KAZN: variants seen among roughly 807,000 people sequenced by gnomAD.
The protein encoded by KAZN is kazrin.
KAZN carries 40 observed loss-of-function variants against 87.4 expected under a neutral mutation model. That is an observed-to-expected ratio of 0.46 (90% CI 0.36 to 0.60). KAZN has a LOEUF of 0.60. KAZN is among the 20% of genes least tolerant of loss of function. The pLI, the probability that KAZN is intolerant of heterozygous loss-of-function variation, is 0.00. For missense variants in KAZN, 898 were observed against 1,073.9 expected (o/e 0.84, Z 2.29); for synonymous variants, 466 against 458.3 (o/e 1.02, Z -0.22).
chr1:14,708,340 T>G (rs1362394094), intron 1 of KAZN, among the ~76,000 whole-genome samples: 4 of 152,226 alleles, frequency 2.6e-5, no homozygotes, highest in African/African-American at 7.2e-5. Flanking sequence ...AGTGATATTT[T>G]GCACTGCTGA....
chr1:15,103,519 C>A, intron 12 of KAZN, 59 bp downstream of exon 12: 4 of 1,105,656 alleles, frequency 3.6e-6, no homozygotes, highest in South Asian at 1.3e-5. Flanking sequence ...CCATGCAAAT[C>A]TATATGCAAA....
intron 1 of KAZN, among the ~76,000 whole-genome samples, chr1:13,936,597 G>A (rs527648912): frequency 3.9e-5 from 6 of 152,168 alleles, no homozygotes; most frequent in African/African-American, 1.4e-4. Flanking sequence ...CCATTGTTTA[G>A]CTCTACTTAA....
At chr1:15,018,890 T>A (rs1216838370) in intron 2 of KAZN, among the ~76,000 whole-genome samples, 2 of 152,198 alleles carry the variant, frequency 1.3e-5, no homozygotes, top group Non-Finnish European at 2.9e-5. Flanking sequence ...CTAAAGCTCA[T>A]CTTCAGATAT....
intron 1 of KAZN, among the ~76,000 whole-genome samples, chr1:14,660,618 A>C (rs917993313): frequency 1.6e-5 from 2 of 128,422 alleles, no homozygotes; most frequent in Admixed American, 1.9e-4. Context: ...ATTCAAACCC[A>C]GGTCTGCCGA....
At chr1:14,658,047 G>C (rs577850967) in intron 1 of KAZN, among the ~76,000 whole-genome samples, 25 of 152,330 alleles carry the variant, frequency 1.6e-4, no homozygotes, top group African/African-American at 6.0e-4. Flanking sequence ...CCCTGGAAAA[G>C]TCAGTGTCCT....
intron 2 of KAZN, among the ~76,000 whole-genome samples, chr1:14,566,387 G>A (rs1674550942): frequency 6.6e-6 from 1 of 152,124 alleles, no homozygotes; most frequent in Admixed American, 6.5e-5. Context: ...TCAGGCTTTG[G>A]TGTTCCATTT....
intron 2 of KAZN, among the ~76,000 whole-genome samples, chr1:14,189,382 C>T (rs1398909276): frequency 6.6e-6 from 1 of 152,180 alleles, no homozygotes; most frequent in Non-Finnish European, 1.5e-5. Flanking sequence ...TACTGAGAAT[C>T]ATGGCATAGA....
intron 2 of KAZN, among the ~76,000 whole-genome samples, chr1:14,335,835 A>G (rs1657226385): frequency 6.6e-6 from 1 of 152,206 alleles, no homozygotes; most frequent in South Asian, 2.1e-4. Context: ...AAACAGATGG[A>G]CAGGGAAGCT....
intron 1 of KAZN, among the ~76,000 whole-genome samples, chr1:14,727,463 T>C (rs1399985425): frequency 1.1e-4 from 3 of 26,168 alleles, no homozygotes; most frequent in Non-Finnish European, 2.5e-4. Flanking sequence ...TTTTTTTTTT[T>C]TTTTTTTTTT....
intron 2 of KAZN, among the ~76,000 whole-genome samples, chr1:14,375,228 T>C (rs1461498497): frequency 2.0e-5 from 3 of 152,178 alleles, no homozygotes; most frequent in Non-Finnish European, 4.4e-5. Context: ...TCATACACAC[T>C]TCAGAAAGAG....
chr1:14,457,418 G>A (rs2148342694), intron 2 of KAZN, among the ~76,000 whole-genome samples: 1 of 152,128 alleles, frequency 6.6e-6, no homozygotes, highest in African/African-American at 2.4e-5. Context: ...TATTCTATAT[G>A]TACAATTCAA....
intron 1 of KAZN, among the ~76,000 whole-genome samples, chr1:14,054,623 TA>T (rs1010114850): frequency 3.3e-5 from 5 of 152,100 alleles, no homozygotes; most frequent in African/African-American, 4.8e-5. Flanking sequence ...AGAGATGACA[TA>T]AGGACCTGGA....
intron 2 of KAZN, among the ~76,000 whole-genome samples, chr1:14,358,763 A>G (rs927327745): frequency 8.5e-5 from 13 of 152,066 alleles, no homozygotes; most frequent in African/African-American, 3.1e-4. Context: ...CTGAGTTCTA[A>G]TTTGATAGCA....
At chr1:14,468,324 A>G (rs1320857007) in intron 2 of KAZN, among the ~76,000 whole-genome samples, 4 of 152,128 alleles carry the variant, frequency 2.6e-5, no homozygotes, top group African/African-American at 2.4e-5. Flanking sequence ...GGAAAATGGA[A>G]CCTCACATCA....
chr1:14,454,704 A>C (rs777835453), intron 2 of KAZN, among the ~76,000 whole-genome samples: 21 of 152,182 alleles, frequency 1.4e-4, no homozygotes, highest in Non-Finnish European at 4.4e-5. Context: ...GTACTCATGA[A>C]TGTTCACTAA....
chr1:14,935,295 C>T (rs941274045), intron 1 of KAZN, among the ~76,000 whole-genome samples: 2 of 152,110 alleles, frequency 1.3e-5, no homozygotes, highest in Admixed American at 6.5e-5. Context: ...GGCTGGAGTG[C>T]GGTGGCGCAA....
At chr1:14,663,607 G>C (rs189814373) in intron 1 of KAZN, among the ~76,000 whole-genome samples, 1 of 152,154 alleles carries the variant, frequency 6.6e-6, no homozygotes, top group African/African-American at 2.4e-5. Flanking sequence ...ATACCAATTA[G>C]GATGGCTGCT....
chr1:14,627,658 T>C (rs1406580503), intron 1 of KAZN, among the ~76,000 whole-genome samples: 6 of 152,256 alleles, frequency 3.9e-5, no homozygotes, highest in African/African-American at 1.4e-4. Context: ...CTAATAAATA[T>C]ATGTTCAATG....
intron 1 of KAZN, among the ~76,000 whole-genome samples, chr1:13,977,210 C>T (rs768662809): frequency 6.6e-6 from 1 of 152,100 alleles, no homozygotes; most frequent in East Asian, 1.9e-4. Flanking sequence ...AGATATTATC[C>T]GTCTGATGCC....
Sources: allele counts gnomAD v4.1 joint callset (sites outside exome capture counted in the v4.1 genomes callset), GRCh38; gene constraint gnomAD v4.1.1; transcripts MANE v1.5; gene names NCBI Gene and HGNC (gene_info 2026-07-23, HGNC 2026-07-21).